TJP2: variants seen among roughly 807,000 people sequenced by gnomAD.
TJP2 encodes Friedreich ataxia region gene X104 (tight junction protein ZO-2).
Under a neutral mutation model 133.1 loss-of-function variants are expected in TJP2, and 91 were observed. That is an observed-to-expected ratio of 0.68 (90% CI 0.58 to 0.81). The LOEUF (loss-of-function observed/expected upper bound fraction) is 0.81. TJP2 is among the 40% of genes least tolerant of loss of function. The probability of loss-of-function intolerance (pLI) is 0.00; values close to 1 mark genes in which losing one functional copy is unlikely to be tolerated. For missense variants in TJP2, 1,541 were observed against 1,565.6 expected (o/e 0.98, Z 0.26); for synonymous variants, 592 against 583.4 (o/e 1.01, Z -0.21).
At position 69,125,283 on chromosome 9, in the gene TJP2, G is replaced by A. The variant is rs186220898; in HGVS notation, c.-131+3558G>A. On this transcript the variant is annotated intron_variant, in intron 1 of 5. Coordinates refer to the TJP2 transcript ENST00000423935. ...AAAGTCTTTATACTACAATCTGTGC[G>A]TTTAATAGCACCCTGAGTGATTTTT... 3.7e-3 allele frequency among the ~76,000 whole-genome samples: 249 copies of A among 67,464 alleles called. 90 individuals carry two copies. The highest frequency in any genetic ancestry group is 0.011 in the African/African-American group (240 of 21,750). The allele number at this position is 67,464 out of a possible 152,430, so 44.3% of individuals were successfully genotyped here.
chr9:69,138,076 G>A (rs1032199587), intron 1 of TJP2, among the ~76,000 whole-genome samples: 1 of 152,116 alleles, frequency 6.6e-6, no homozygotes, highest in Non-Finnish European at 1.5e-5. Context: ...TCATCAACAG[G>A]ATCTCCATCC....
chr9:69,184,040 C>T (rs1326732025), intron 1 of TJP2, among the ~76,000 whole-genome samples: 1 of 152,166 alleles, frequency 6.6e-6, no homozygotes, highest in East Asian at 1.9e-4. Context: ...AACTTTGATT[C>T]TTTACCTCTG....
intron 1 of TJP2, among the ~76,000 whole-genome samples, chr9:69,201,322 C>T (rs1355922393): frequency 6.6e-6 from 1 of 152,170 alleles, no homozygotes; most frequent in Non-Finnish European, 1.5e-5. Flanking sequence ...TTGGAGCAGG[C>T]TGCAGTTGTT....
In TJP2 at chr9:69,125,888, A is replaced by G. The variant is rs1457063941; in HGVS notation, c.-131+4163A>G. On this transcript the variant is annotated intron_variant, in intron 1 of 5. Transcript: ENST00000423935. ...CTACTGGTCTCCATAGGAGATATCA[A>G]GGTACTGGACTAGTATTTGATTTAG... 2.6e-5 allele frequency among the ~76,000 whole-genome samples: 2 copies of G among 77,312 alleles called. 1 individual carries two copies. The highest frequency in any genetic ancestry group is 6.0e-5 in the Non-Finnish European group (2 of 33,534). The allele number at this position is 77,312 out of a possible 152,430, so 50.7% of individuals were successfully genotyped here. A position where few individuals can be genotyped will look rare whatever the true frequency, so the allele number is the denominator to read the frequency against.
chr9:69,123,906 C>T (rs1822243158), intron 1 of TJP2, among the ~76,000 whole-genome samples: 1 of 76,300 alleles, frequency 1.3e-5, no homozygotes. Flanking sequence ...CTCGCTCTGT[C>T]GCCCAGGCTG....
rs573666789 is a variant in TJP2 at position 69,152,935 on chromosome 9, A to G, written c.-10+1164A>G. Among the ~76,000 whole-genome samples the G allele has an allele frequency of 2.1e-5, 3 of 144,556 alleles. No individual in the cohort carries two copies. The East Asian group carries it at 6.3e-4, about 30-fold the overall frequency. The allele number at this position is 144,556 out of a possible 152,430, so 94.8% of individuals were successfully genotyped here. A position where few individuals can be genotyped will look rare whatever the true frequency, so the allele number is the denominator to read the frequency against. On this transcript the variant is annotated intron_variant, in intron 2 of 5. Transcript: ENST00000423935. ...AAGCTCCGCCCTCTGGAGCTCTTAA[A>G]GGTCCCAGCCAGGCAAGGCAGCTCA...
At chr9:69,215,763 C>T (rs529327614) in intron 2 of TJP2, among the ~76,000 whole-genome samples, 3 of 151,770 alleles carry the variant, frequency 2.0e-5, no homozygotes, top group Non-Finnish European at 2.9e-5. Flanking sequence ...ACAGGCCAGG[C>T]ACAATGGCTG....
intron 1 of TJP2, among the ~76,000 whole-genome samples, chr9:69,122,774 C>T (rs1400908628): frequency 6.6e-6 from 1 of 152,148 alleles, no homozygotes; most frequent in African/African-American, 2.4e-5. Flanking sequence ...CAGAGGTGGG[C>T]GAGTTCCGTA....
Position 69,213,268 on chromosome 9 carries a change from G to A in TJP2, c.114+667G>A, listed in dbSNP as rs567917723. Among the ~76,000 whole-genome samples, 3 of 152,130 alleles carry A rather than the reference G, an allele frequency of 2.0e-5. No individual in the cohort carries two copies. In the East Asian group the frequency reaches 5.8e-4, roughly 29 times the overall value. On this transcript the variant is annotated intron_variant, in intron 2 of 22. Coordinates refer to ENST00000377245, the MANE Select transcript of TJP2 (RefSeq NM_004817.4). ...AATAGAGACGGGGTTTCTCCATGTT[G>A]GTCAGGCTGGTCTCGAACTCCTGAC...
chr9:69,234,614 T>C, intron 12 of TJP2, 67 bp downstream of exon 12: 1 of 1,038,576 alleles, frequency 9.6e-7, no homozygotes, highest in Non-Finnish European at 1.5e-6. Flanking sequence ...GAGAGAGGTG[T>C]CTTGGTACCA....
Position 69,221,493 on chromosome 9 carries a change from G to A in TJP2, c.949G>A (p.Glu317Lys), listed in dbSNP as rs1224386813. 1.9e-6 allele frequency: 3 copies of A among 1,603,266 alleles called. No individual in the cohort carries two copies. Among genetic ancestry groups the A allele is most frequent in the Admixed American group, 1.7e-5 (1 of 58,732 alleles). The stretch of plus-strand genomic sequence containing the variant: ...CCTCCTGATGAAAAGCAGAGCGAAC[G>A]AAGGTAGGCATGCTTGATGTGGGAA... ...GVLLMKSRAN[E>K]EYGLRLGSQI... Residue 317 changes from glutamate (E) to lysine (K), a missense_variant, in exon 5 of 23, where the codon GAA becomes AAA. Coordinates refer to ENST00000377245, the MANE Select transcript of TJP2 (RefSeq NM_004817.4).
At chr9:69,241,424 A>G (rs1830568816) in intron 17 of TJP2, among the ~76,000 whole-genome samples, 1 of 152,136 alleles carries the variant, frequency 6.6e-6, no homozygotes, top group South Asian at 2.1e-4. Context: ...CACCCATGTC[A>G]TTTTAGTGTA....
intron 1 of TJP2, among the ~76,000 whole-genome samples, chr9:69,130,577 G>A (rs536204820): frequency 2.6e-5 from 4 of 152,220 alleles, no homozygotes; most frequent in Non-Finnish European, 5.9e-5. Context: ...CCCGCTTTGA[G>A]AACCAGTGCT....
chr9:69,183,210 C>G (rs1033681626), intron 1 of TJP2, among the ~76,000 whole-genome samples: 1 of 152,084 alleles, frequency 6.6e-6, no homozygotes, highest in Non-Finnish European at 1.5e-5. Context: ...TTGTAAACAC[C>G]ATCACTCTCT....
At chr9:69,174,916 T>G (rs999702160) in intron 1 of TJP2, among the ~76,000 whole-genome samples, 44 of 151,366 alleles carry the variant, frequency 2.9e-4, no homozygotes, top group African/African-American at 8.5e-4. Context: ...GTTGTTTTTT[T>G]TTTTTTTTTT....
intron 5 of TJP2, 28 bp from the exon 6 acceptor site, chr9:69,225,276 C>T (rs375972558): frequency 8.5e-6 from 12 of 1,411,340 alleles, no homozygotes; most frequent in East Asian, 4.6e-5. Flanking sequence ...TGATAACATA[C>T]GTGTATGTTT....
chr9:69,161,214 ATGTGTGTGTGTGTG>A (rs111442939), intron 2 of TJP2, among the ~76,000 whole-genome samples: 29 of 148,314 alleles, frequency 2.0e-4, no homozygotes, highest in African/African-American at 6.9e-4. Flanking sequence ...GTCATCAGTG[ATGTGTGTGTGTGTG>A]TGTGTGTGTG....
At chr9:69,221,555 C>T in intron 5 of TJP2, 59 bp downstream of exon 5, 2 of 1,554,720 alleles carry the variant, frequency 1.3e-6, no homozygotes, top group Non-Finnish European at 1.7e-6. Context: ...CCTTTGTTTT[C>T]TTAATTTTTT....
intron 9 of TJP2, 94 bp from the exon 10 acceptor site, chr9:69,229,090 G>GACTT: frequency 8.5e-7 from 1 of 1,177,812 alleles, no homozygotes; most frequent in Admixed American, 1.7e-5. Flanking sequence ...ATGTGGCATA[G>GACTT]ACTTACATTT....
Sources: allele counts gnomAD v4.1 joint callset (sites outside exome capture counted in the v4.1 genomes callset), GRCh38; gene constraint gnomAD v4.1.1; transcripts MANE v1.5; gene names NCBI Gene and HGNC (gene_info 2026-07-23, HGNC 2026-07-21).